The following ADAM19 variants were observed in gnomAD, a reference collection of about 807,000 sequenced individuals.
ADAM19 encodes the protein ADAM metallopeptidase domain 19.
In ADAM19, 65 loss-of-function variants were observed where a neutral mutation model predicts 114.7. The ratio of observed to expected loss-of-function variants is 0.57; its 90% CI spans 0.46 to 0.70. ADAM19 has a LOEUF of 0.70. Ranked by LOEUF, ADAM19 falls within the 30% of genes least tolerant of loss-of-function variation. The pLI is 0.00. For synonymous variants in ADAM19, 466 were observed against 460.5 expected (o/e 1.01, Z -0.15); for missense variants, 1,063 against 1,204.7 (o/e 0.88, Z 1.74).
In ADAM19 at chr5:157,478,884, T is replaced by A. The variant is rs1754669961; in HGVS notation, c.*2065A>T. On this transcript the variant is annotated 3_prime_UTR_variant, in exon 23 of 23. Coordinates refer to ENST00000257527, the MANE Select transcript of ADAM19 (RefSeq NM_033274.5). ...AGTCACTATGGCTGTGGCGCTGTCATTTCAGAGCTATCTACCTCCTGATGT... is the reference window on the plus strand; with the variant it reads ...AGTCACTATGGCTGTGGCGCTGTCAATTCAGAGCTATCTACCTCCTGATGT... The A allele has an allele frequency of 2.0e-6, 2 of 985,632 alleles. No individual in the cohort carries two copies. The highest frequency in any genetic ancestry group is 3.5e-5 in the African/African-American group (2 of 57,228). The allele number at this position is 985,632 out of a possible 1,614,324, so 61.1% of individuals were successfully genotyped here. A position where few individuals can be genotyped will look rare whatever the true frequency, so the allele number is the denominator to read the frequency against.
chr5:157,510,502 C>T (rs370741419), intron 8 of ADAM19, among the ~76,000 whole-genome samples: 2 of 152,150 alleles, frequency 1.3e-5, no homozygotes, highest in African/African-American at 2.4e-5. Context: ...ATAAAGCCAT[C>T]GCCATCATCC....
chr5:157,508,826 T>C (rs1025840769), intron 9 of ADAM19, among the ~76,000 whole-genome samples: 2 of 152,134 alleles, frequency 1.3e-5, no homozygotes, highest in African/African-American at 4.8e-5. Flanking sequence ...TCCTGCACTG[T>C]CTAACACTTG....
chr5:157,487,254 C>T (rs553164643), intron 21 of ADAM19, among the ~76,000 whole-genome samples: 2 of 152,242 alleles, frequency 1.3e-5, no homozygotes, highest in South Asian at 4.1e-4. Flanking sequence ...TCTCTTTCTG[C>T]ATGGATTTTT....
At chr5:157,548,038 C>T (rs1380831516) in intron 3 of ADAM19, among the ~76,000 whole-genome samples, 1 of 152,214 alleles carries the variant, frequency 6.6e-6, no homozygotes, top group Non-Finnish European at 1.5e-5. Context: ...GAGAACTTTT[C>T]ATTTTCAATG....
chr5:157,511,513 T>C (rs182457084), intron 8 of ADAM19, among the ~76,000 whole-genome samples: 57 of 152,356 alleles, frequency 3.7e-4, no homozygotes, highest in African/African-American at 1.3e-3. Flanking sequence ...GGGCTCCAGA[T>C]TCAGTGAAAT....
Position 157,555,645 on chromosome 5 carries a change from C to T in ADAM19, c.251+8728G>A, listed in dbSNP as rs139007415. 3.3e-3 allele frequency among the ~76,000 whole-genome samples: 503 copies of T among 152,306 alleles called. 5 individuals carry two copies. Among genetic ancestry groups the T allele is most frequent in the African/African-American group, 0.011 (470 of 41,568 alleles). ...ACGTTGTACTAAGTGCATTGTCATA[C>T]ATTATCTCCTAACCTCACAAACCCT... On this transcript the variant is annotated intron_variant, in intron 3 of 22. Coordinates refer to ENST00000257527, the MANE Select transcript of ADAM19 (RefSeq NM_033274.5).
At chr5:157,527,855 G>T (rs778718036) in intron 5 of ADAM19, among the ~76,000 whole-genome samples, 18 of 152,094 alleles carry the variant, frequency 1.2e-4, no homozygotes, top group Admixed American at 4.6e-4. Context: ...TTTTTACTAA[G>T]ATAATACATG....
intron 5 of ADAM19, 145 bp downstream of exon 5, chr5:157,530,662 T>C: frequency 1.6e-6 from 1 of 638,104 alleles, no homozygotes. Flanking sequence ...TTGCCCATCC[T>C]CCCAGGCTCA....
chr5:157,515,406 G>A (rs933118599), intron 7 of ADAM19, among the ~76,000 whole-genome samples: 1 of 152,218 alleles, frequency 6.6e-6, no homozygotes, highest in Non-Finnish European at 1.5e-5. Context: ...GAATTCTGTT[G>A]TCCAGAGTAT....
intron 3 of ADAM19, among the ~76,000 whole-genome samples, chr5:157,559,000 C>A (rs1757434947): frequency 6.6e-6 from 1 of 152,128 alleles, no homozygotes; most frequent in Non-Finnish European, 1.5e-5. Flanking sequence ...AAAGCCTTCT[C>A]CTTCCCTATG....
chr5:157,518,591 C>T lies in ADAM19; in HGVS notation c.666+232G>A, dbSNP rs377617595. Among the ~76,000 whole-genome samples the T allele has an allele frequency of 8.5e-4, 129 of 152,338 alleles. 5 individuals are homozygous for T. In the East Asian group the frequency reaches 0.015, roughly 18 times the overall value. On this transcript the variant is annotated intron_variant, in intron 7 of 22. Coordinates refer to ENST00000257527, the MANE Select transcript of ADAM19 (RefSeq NM_033274.5). ...TAGAGATGGGGTTTCACCATGTTGG[C>T]CAGGCTGGTCTCAAACTCCTGACCT...
At chr5:157,532,573 G>A (rs1343267188) in intron 4 of ADAM19, among the ~76,000 whole-genome samples, 1 of 152,182 alleles carries the variant, frequency 6.6e-6, no homozygotes, top group Non-Finnish European at 1.5e-5. Context: ...TCAGAACAGA[G>A]AGAAGATAAA....
At position 157,477,880 on chromosome 5, in the gene ADAM19, C is replaced by T. The variant is rs981115467; in HGVS notation, c.*3069G>A. The T allele has an allele frequency of 2.4e-6, 1 of 412,728 alleles. No individual in the cohort carries two copies. Among genetic ancestry groups the T allele is most frequent in the African/African-American group, 2.1e-5 (1 of 48,316 alleles). The allele number at this position is 412,728 out of a possible 1,614,324, so 25.6% of individuals were successfully genotyped here. ...CAAAAAAACACTCCAACCAGAAAAT[C>T]AGCAAGTCTCAGACCTTAAGATCTG... On this transcript the variant is annotated 3_prime_UTR_variant, in exon 23 of 23. Transcript: ENST00000257527.
intron 21 of ADAM19, among the ~76,000 whole-genome samples, chr5:157,483,737 G>A (rs775653704): frequency 3.3e-5 from 5 of 151,320 alleles, no homozygotes; most frequent in Non-Finnish European, 7.4e-5. Context: ...GAGTTCAAAC[G>A]ATTCTCTTGC....
intron 5 of ADAM19, among the ~76,000 whole-genome samples, chr5:157,530,028 T>G (rs1216331649): frequency 6.6e-6 from 1 of 152,140 alleles, no homozygotes; most frequent in Non-Finnish European, 1.5e-5. Context: ...ATGCCCAAAC[T>G]CATCCATCCC....
chr5:157,538,982 T>C (rs1398929706), intron 3 of ADAM19, among the ~76,000 whole-genome samples: 1 of 151,926 alleles, frequency 6.6e-6, no homozygotes, highest in Non-Finnish European at 1.5e-5. Flanking sequence ...CTGGTTAACA[T>C]GGTGAAACCC....
At chr5:157,516,246 G>A (rs377096323) in intron 7 of ADAM19, among the ~76,000 whole-genome samples, 35 of 152,274 alleles carry the variant, frequency 2.3e-4, no homozygotes, top group African/African-American at 7.5e-4. Context: ...AGCCTTCAGC[G>A]GAGGGGTGTC....
At chr5:157,541,727 T>C (rs745389350) in intron 3 of ADAM19, among the ~76,000 whole-genome samples, 2 of 152,126 alleles carry the variant, frequency 1.3e-5, no homozygotes, top group African/African-American at 2.4e-5. Flanking sequence ...AGCTTCAAAC[T>C]CAGGACAATT....
chr5:157,536,653 T>A (rs1326379868), intron 4 of ADAM19, among the ~76,000 whole-genome samples: 1 of 152,124 alleles, frequency 6.6e-6, no homozygotes, highest in Non-Finnish European at 1.5e-5. Flanking sequence ...CAAAATTACC[T>A]GTCCTGTGTC....
Sources: allele counts gnomAD v4.1 joint callset (sites outside exome capture counted in the v4.1 genomes callset), GRCh38; gene constraint gnomAD v4.1.1; transcripts MANE v1.5; gene names NCBI Gene and HGNC (gene_info 2026-07-23, HGNC 2026-07-21).